ADIPOR2: variants seen among roughly 807,000 people sequenced by gnomAD.
ADIPOR2 encodes the protein adiponectin receptor 2, also known as adiponectin receptor protein 2.
ADIPOR2 carries 18 observed loss-of-function variants against 40.9 expected under a neutral mutation model. The observed-to-expected ratio is 0.44, with a 90% CI of 0.30 to 0.65. The LOEUF (loss-of-function observed/expected upper bound fraction) is 0.65. Ranked by LOEUF, ADIPOR2 falls within the 30% of genes least tolerant of loss-of-function variation. The pLI is 0.09. For missense variants in ADIPOR2, 283 were observed against 479.2 expected, an observed-to-expected ratio of 0.59 and a Z score of 3.82; for synonymous variants, 165 against 166.4, an observed-to-expected ratio of 0.99 and a Z score of 0.06.
chr12:1,718,299 T>TA (rs1437638573), intron 1 of ADIPOR2, among the ~76,000 whole-genome samples: 3 of 152,178 alleles, frequency 2.0e-5, no homozygotes, highest in African/African-American at 7.2e-5. Context: ...GAAAGACTGT[T>TA]ACACTTCTTG....
intron 2 of ADIPOR2, 44 bp from the exon 3 acceptor site, chr12:1,772,798 G>T: frequency 6.4e-7 from 1 of 1,550,584 alleles, no homozygotes; most frequent in Non-Finnish European, 8.7e-7. Context: ...GTGTCATTTG[G>T]CTCCCAGTCT....
intron 1 of ADIPOR2, among the ~76,000 whole-genome samples, chr12:1,740,198 T>C (rs988582869): frequency 6.6e-6 from 1 of 152,250 alleles, no homozygotes; most frequent in South Asian, 2.1e-4. Context: ...TTTTCAGTTA[T>C]TTCTGCTGAA....
chr12:1,727,630 G>A (rs1449440081), intron 1 of ADIPOR2, among the ~76,000 whole-genome samples: 4 of 152,070 alleles, frequency 2.6e-5, no homozygotes, highest in African/African-American at 9.7e-5. Flanking sequence ...CTGAGCCTCA[G>A]TGGATTCCAA....
At chr12:1,748,723 A>G (rs1426044999) in intron 1 of ADIPOR2, among the ~76,000 whole-genome samples, 1 of 152,024 alleles carries the variant, frequency 6.6e-6, no homozygotes, top group East Asian at 1.9e-4. Flanking sequence ...GGATATTTGT[A>G]AACGTGTTTA....
intron 1 of ADIPOR2, among the ~76,000 whole-genome samples, chr12:1,725,663 A>G (rs374328545): frequency 3.7e-4 from 57 of 152,330 alleles, no homozygotes; most frequent in African/African-American, 1.3e-3. Context: ...TTGCCAGGCA[A>G]TGTTCTAGAG....
intron 5 of ADIPOR2, 85 bp from the exon 6 acceptor site, chr12:1,780,804 T>C: frequency 1.4e-6 from 2 of 1,405,684 alleles, no homozygotes; most frequent in Non-Finnish European, 1.9e-6. Context: ...GTTGATGGCT[T>C]ATGTCATGAG....
chr12:1,774,453 C>T (rs1359642329), intron 3 of ADIPOR2, among the ~76,000 whole-genome samples: 2 of 152,194 alleles, frequency 1.3e-5, no homozygotes, highest in South Asian at 4.1e-4. Context: ...TGGTGTGGCT[C>T]AACCCTGCCA....
intron 1 of ADIPOR2, among the ~76,000 whole-genome samples, chr12:1,712,987 G>A (rs572220895): frequency 6.8e-4 from 104 of 152,186 alleles, no homozygotes; most frequent in African/African-American, 2.4e-3. Flanking sequence ...TGAGGCTTCC[G>A]AACTGGCAGC....
intron 2 of ADIPOR2, among the ~76,000 whole-genome samples, chr12:1,768,161 A>G (rs1274945532): frequency 6.6e-6 from 1 of 152,190 alleles, no homozygotes; most frequent in Admixed American, 6.5e-5. Flanking sequence ...TGGATATTGT[A>G]CCATTTCTTG....
At chr12:1,757,918 A>G in intron 2 of ADIPOR2, 1 of 870,216 alleles carries the variant, frequency 1.1e-6, no homozygotes, top group South Asian at 1.3e-5. Context: ...GGACTAGTGG[A>G]TGGACGAGGA....
intron 1 of ADIPOR2, among the ~76,000 whole-genome samples, chr12:1,751,682 T>C (rs1323362097): frequency 6.6e-6 from 1 of 151,932 alleles, no homozygotes; most frequent in Admixed American, 6.6e-5. Context: ...ACCCGGCTAA[T>C]TAAAAAAATT....
chr12:1,722,355 T>C (rs1182037343), intron 1 of ADIPOR2, among the ~76,000 whole-genome samples: 1 of 152,140 alleles, frequency 6.6e-6, no homozygotes, highest in Non-Finnish European at 1.5e-5. Flanking sequence ...TGAGTTCTGT[T>C]TTGTTAAGTT....
intron 2 of ADIPOR2, among the ~76,000 whole-genome samples, chr12:1,761,974 G>A (rs968698232): frequency 6.6e-6 from 1 of 152,174 alleles, no homozygotes; most frequent in Non-Finnish European, 1.5e-5. Context: ...GGGATCCTGC[G>A]TGATCTCACT....
intron 1 of ADIPOR2, among the ~76,000 whole-genome samples, chr12:1,703,533 C>T (rs990871017): frequency 1.3e-5 from 2 of 151,848 alleles, no homozygotes; most frequent in African/African-American, 4.8e-5. Context: ...CCCAAGGGTT[C>T]GAGACCAACC....
At chr12:1,722,935 A>G (rs2094700662) in intron 1 of ADIPOR2, among the ~76,000 whole-genome samples, 1 of 152,190 alleles carries the variant, frequency 6.6e-6, no homozygotes. Context: ...TTAAACTTTT[A>G]TTATCTTGGT....
chr12:1,748,800 G>A (rs1342865053), intron 1 of ADIPOR2, among the ~76,000 whole-genome samples: 2 of 151,970 alleles, frequency 1.3e-5, no homozygotes, highest in Non-Finnish European at 2.9e-5. Context: ...CAACACAGAA[G>A]AAGACTTCTG....
At chr12:1,699,696 AT>A (rs1294440620) in intron 1 of ADIPOR2, among the ~76,000 whole-genome samples, 1 of 152,210 alleles carries the variant, frequency 6.6e-6, no homozygotes, top group Admixed American at 6.5e-5. Flanking sequence ...ACTTTGGCAT[AT>A]GTTGTCTCTC....
rs1335341535 is a variant in ADIPOR2, at chr12:1,772,869, G to A, written c.199G>A (p.Glu67Lys). 6.2e-7 allele frequency: 1 copy of A among 1,613,108 alleles called. No individual in the cohort carries two copies. The highest frequency in any genetic ancestry group is 8.5e-7 in the Non-Finnish European group (1 of 1,179,538). Residue 67 changes from glutamate to lysine, a missense_variant, in exon 3 of 8, where the codon GAA (glutamate) becomes AAA (lysine). Around this residue, in one of 3 missense-constraint regions of ADIPOR2, gnomAD observed 65 missense variants for 79.9 expected, o/e 0.81. Coordinates refer to ENST00000357103, the MANE Select transcript of ADIPOR2 (RefSeq NM_024551.3). ...CTCTGAGGAACATGAATACAGTGAT[G>A]AAGCTCCTCAGGAAGATGAGGGCTT... The part of the protein sequence containing the change: ...KSSEEHEYSD[E>K]APQEDEGFMG...
rs929851788 is a variant in ADIPOR2, at chr12:1,775,082, C to T, written c.291+2121C>T. On this transcript the variant is annotated intron_variant, in intron 3 of 7. Transcript: ENST00000357103. The stretch of plus-strand genomic sequence containing the variant: ...CCATCTCCTGACCTCGTGATCTGCC[C>T]GCCTCGGCCTCCCATAGTGCTGGGA... Among the ~76,000 whole-genome samples, 20 of 151,884 alleles carry T rather than the reference C, an allele frequency of 1.3e-4. No homozygotes were observed. The East Asian group carries it at 1.7e-3, about 13-fold the overall frequency.
Sources: allele counts gnomAD v4.1 joint callset (sites outside exome capture counted in the v4.1 genomes callset), GRCh38; gene constraint gnomAD v4.1.1; regional missense constraint gnomAD v4.1.1; transcripts MANE v1.5; gene names NCBI Gene and HGNC (gene_info 2026-07-23, HGNC 2026-07-21).